HSBP1L1: variants seen among roughly 807,000 people sequenced by gnomAD.
HSBP1L1 encodes the protein heat shock factor-binding protein 1-like protein 1.
HSBP1L1 carries 8 observed loss-of-function variants against 9.7 expected under a neutral mutation model. The observed-to-expected ratio is 0.82, with a 90% CI of 0.48 to 1.48. HSBP1L1 has a LOEUF of 1.48. Among genes scored for constraint, HSBP1L1 ranks in the 40% most tolerant of loss-of-function variants. The probability of loss-of-function intolerance (pLI) is 0.00; values close to 1 mark genes in which losing one functional copy is unlikely to be tolerated. For missense variants in HSBP1L1, 106 were observed against 95.8 expected (o/e 1.11, Z -0.44); for synonymous variants, 39 against 34.4 (o/e 1.13, Z -0.46).
Position 79,966,595 on chromosome 18 carries a change from A to G in HSBP1L1, c.52-17A>G. ...CAGTAAATATTTATTCAATTGTCTT[A>G]CGGTTTATTTTTTCAGGCAGAAAAT... On this transcript the variant is annotated splice_polypyrimidine_tract_variant and intron_variant, in intron 1 of 3. Transcript: ENST00000451882. 6.5e-7 allele frequency: 1 copy of G among 1,533,362 alleles called. No individual in the cohort carries two copies. Among genetic ancestry groups the G allele is most frequent in the Non-Finnish European group, 8.8e-7 (1 of 1,131,646 alleles). The allele number at this position is 1,533,362 out of a possible 1,614,324, so 95.0% of individuals were successfully genotyped here.
intron 3 of HSBP1L1, among the ~76,000 whole-genome samples, chr18:79,969,694 TA>T (rs2051284976): frequency 6.6e-6 from 1 of 152,222 alleles, no homozygotes; most frequent in Non-Finnish European, 1.5e-5. Flanking sequence ...TTCAGACGTT[TA>T]TTCTGAAAGT....
chr18:79,969,372 AAAG>A (rs1452855841), intron 3 of HSBP1L1, among the ~76,000 whole-genome samples: 1 of 50,818 alleles, frequency 2.0e-5, no homozygotes, highest in African/African-American at 4.9e-5. Context: ...AGAAAGAAAG[AAAG>A]AAAGAAAGAA....
intron 3 of HSBP1L1, among the ~76,000 whole-genome samples, chr18:79,969,309 A>AGGG (rs151314869): frequency 2.3e-5 from 1 of 44,186 alleles, no homozygotes. Context: ...AGAGAGAGAG[A>AGGG]AAGGAAAGAA....
chr18:79,969,369 A>AAG (rs1447057924), intron 3 of HSBP1L1, among the ~76,000 whole-genome samples: 3 of 50,236 alleles, frequency 6.0e-5, no homozygotes, highest in African/African-American at 9.9e-5. Context: ...GAAAGAAAGA[A>AAG]AGAAAGAAAG....
Position 79,966,613 on chromosome 18 carries a change from C to T in HSBP1L1, c.53C>T (p.Ala18Val). Reference sequence around the variant, plus strand: ...TTGTCTTACGGTTTATTTTTTCAGGCAGAAAATCTATTTCAGGAACTTCAG... The same window carrying T: ...TTGTCTTACGGTTTATTTTTTCAGGTAGAAAATCTATTTCAGGAACTTCAG... ...APGGRALRDA[A>V]ENLFQELQEH... The change falls in exon 2 of 4, where the codon GCA (alanine) becomes GTA (valine). Residue 18 changes from alanine to valine, a missense_variant and splice_region_variant. Physicochemically the swap from Ala to Val is moderately conservative, Grantham distance 64. Transcript: ENST00000451882. 6.5e-7 allele frequency: 1 copy of T among 1,547,548 alleles called. No homozygotes were observed. Among genetic ancestry groups the T allele is most frequent in the Non-Finnish European group, 8.7e-7 (1 of 1,144,086 alleles).
chr18:79,967,854 A>G, intron 2 of HSBP1L1: 2 of 437,078 alleles, frequency 4.6e-6, no homozygotes, highest in Non-Finnish European at 8.1e-6. Context: ...CCTGTCCCCA[A>G]ATCCATGTCC....
At position 79,964,771 on chromosome 18, in the gene HSBP1L1, C is replaced by T; in HGVS notation, c.36C>T (p.Arg12=). The part of the protein sequence containing the change: ...DVRGPEAPGG[R]ALRDAAENLF... ...GGGGCCCTGAAGCCCCCGGCGGGCGCGCGCTGCGGGACGCGGTGAGCCCCT... is the reference window on the plus strand; with the variant it reads ...GGGGCCCTGAAGCCCCCGGCGGGCGTGCGCTGCGGGACGCGGTGAGCCCCT... Residue 12 remains arginine, a synonymous_variant, in exon 1 of 4, where the codon CGC becomes CGT. Coordinates refer to ENST00000451882, the MANE Select transcript of HSBP1L1 (RefSeq NM_001136180.2). 7.1e-7 allele frequency: 1 copy of T among 1,408,668 alleles called. No homozygotes were observed. Among genetic ancestry groups the T allele is most frequent in the Non-Finnish European group, 9.2e-7 (1 of 1,082,354 alleles). 87.3% of individuals were successfully genotyped at this position (1,408,668 alleles called of 1,614,324 possible). A position where few individuals can be genotyped will look rare whatever the true frequency, so the allele number is the denominator to read the frequency against.
intron 1 of HSBP1L1, among the ~76,000 whole-genome samples, chr18:79,965,356 T>C (rs931036501): frequency 2.6e-5 from 4 of 152,202 alleles, no homozygotes; most frequent in Non-Finnish European, 1.5e-5. Flanking sequence ...GTAAATTTCC[T>C]GACAAAGGTA....
chr18:79,968,907 A>G (rs1265063059), intron 3 of HSBP1L1, among the ~76,000 whole-genome samples: 2 of 150,864 alleles, frequency 1.3e-5, no homozygotes, highest in African/African-American at 2.4e-5. Context: ...TTCAGAAGCC[A>G]GGCGCGGTGG....
chr18:79,966,905 T>C, intron 2 of HSBP1L1: 1 of 414,548 alleles, frequency 2.4e-6, no homozygotes, highest in African/African-American at 2.1e-5. Context: ...TCCCAGCACT[T>C]TGGGAGGCCG....
At chr18:79,966,869 C>T (rs533225877) in intron 2 of HSBP1L1, 191 bp downstream of exon 2, 14 of 522,638 alleles carry the variant, frequency 2.7e-5, no homozygotes, top group Non-Finnish European at 3.8e-5. Context: ...GTACCTCCGG[C>T]CGGGTGCAGT....
rs529061577 is a variant in HSBP1L1, at chr18:79,966,089, A to G, written c.52-523A>G. Among the ~76,000 whole-genome samples, 76 of 152,112 alleles carry G rather than the reference A, an allele frequency of 5.0e-4. No homozygotes were observed. The East Asian group carries it at 0.013, about 27-fold the overall frequency. ...TGGGACTACAGGCGCCCGCCACTGC[A>G]CCCAGCTAATTTTTTGTATTTTTAG... On this transcript the variant is annotated intron_variant, in intron 1 of 3. Coordinates refer to ENST00000451882, the MANE Select transcript of HSBP1L1 (RefSeq NM_001136180.2).
At chr18:79,969,312 G>GAAAGAAAGAAAAA (rs1239781130) in intron 3 of HSBP1L1, among the ~76,000 whole-genome samples, 3 of 47,108 alleles carry the variant, frequency 6.4e-5, no homozygotes, top group Non-Finnish European at 1.3e-4. Flanking sequence ...GAGAGAGAAA[G>GAAAGAAAGAAAAA]GAAAGAAAGA....
chr18:79,969,276 G>A (rs1462857813), intron 3 of HSBP1L1, among the ~76,000 whole-genome samples: 2 of 24,736 alleles, frequency 8.1e-5, no homozygotes, highest in Admixed American at 9.3e-4. Context: ...GGGAGGGAGG[G>A]AGGGAGGGAG....
Position 79,968,200 on chromosome 18 carries a change from A to T in HSBP1L1, c.213+17A>T. The T allele has an allele frequency of 7.1e-7, 1 of 1,417,456 alleles. No homozygotes were observed. Among genetic ancestry groups the T allele is most frequent in the Non-Finnish European group, 9.7e-7 (1 of 1,027,844 alleles). 87.8% of individuals were successfully genotyped at this position (1,417,456 alleles called of 1,614,324 possible). A position where few individuals can be genotyped will look rare whatever the true frequency, so the allele number is the denominator to read the frequency against. On this transcript the variant is annotated intron_variant, in intron 3 of 3. Coordinates refer to ENST00000451882, the MANE Select transcript of HSBP1L1 (RefSeq NM_001136180.2). ...GAACAAATGGTAAGGTTATTAGCAA[A>T]CTATGTCAACCGTTTTCGTATGTTT...
chr18:79,966,976 G>A (rs138692382), intron 2 of HSBP1L1: 66 of 217,536 alleles, frequency 3.0e-4, no homozygotes, highest in African/African-American at 5.8e-4. Context: ...GTGAAACCCC[G>A]TCTCTACTAA....
In HSBP1L1 at chr18:79,964,678, G is replaced by T. The variant is rs2051247352; in HGVS notation, c.-58G>T. On this transcript the variant is annotated 5_prime_UTR_variant, in exon 1 of 4. Coordinates refer to ENST00000451882, the MANE Select transcript of HSBP1L1 (RefSeq NM_001136180.2). ...CGCGGAGCTTAGCTGTCGCCACCTC[G>T]CGCCGGGTCCGCGCGGCCCACGGGA... 4 of 1,042,356 alleles carry T rather than the reference G, an allele frequency of 3.8e-6. No individual in the cohort carries two copies. The highest frequency in any genetic ancestry group is 3.2e-5 in the Admixed American group (1 of 31,406). 64.6% of individuals were successfully genotyped at this position (1,042,356 alleles called of 1,614,324 possible).
Position 79,970,397 on chromosome 18 carries a change from C to G in HSBP1L1, c.214-43C>G, listed in dbSNP as rs765733029. The G allele has an allele frequency of 2.2e-5, 16 of 718,300 alleles. No homozygotes were observed. The African/African-American group carries it at 2.8e-4, about 13-fold the overall frequency. 44.5% of individuals were successfully genotyped at this position (718,300 alleles called of 1,614,324 possible). On this transcript the variant is annotated intron_variant, in intron 3 of 3. Coordinates refer to ENST00000451882, the MANE Select transcript of HSBP1L1 (RefSeq NM_001136180.2). The stretch of plus-strand genomic sequence containing the variant: ...TCAGGGGTGAACATACTTAATACAC[C>G]TGATAGGAGTTACGGCCTGAACGTT...
In HSBP1L1 at chr18:79,964,862, G is replaced by A. The variant is rs551452902; in HGVS notation, c.51+76G>A. The A allele has an allele frequency of 2.8e-5, 7 of 248,688 alleles. 2 individuals are homozygous for A. The highest frequency in any genetic ancestry group is 5.2e-5 in the Non-Finnish European group (7 of 134,962). 15.4% of individuals were successfully genotyped at this position (248,688 alleles called of 1,614,324 possible). On this transcript the variant is annotated intron_variant, in intron 1 of 3. Coordinates refer to ENST00000451882, the MANE Select transcript of HSBP1L1 (RefSeq NM_001136180.2). Reference sequence around the variant, plus strand: ...GTTCTGGGGGGTTTTGAGGTCCTGGGGGGGGAGCCTGCGGTGCTGGGGGTG... The same window carrying A: ...GTTCTGGGGGGTTTTGAGGTCCTGGAGGGGGAGCCTGCGGTGCTGGGGGTG...
Sources: gnomAD v4.1 joint callset for allele counts (sites outside exome capture counted in the v4.1 genomes callset) on GRCh38, gnomAD v4.1.1 for gene constraint, MANE v1.5 for transcripts, NCBI Gene and HGNC (gene_info 2026-07-23, HGNC 2026-07-21) for gene names.